TMEM229B: variants seen among roughly 807,000 people sequenced by gnomAD.
TMEM229B encodes transmembrane protein 229B, also known as chromosome 14 open reading frame 83.
Under a neutral mutation model 13.7 loss-of-function variants are expected in TMEM229B, and 6 were observed. That is an observed-to-expected ratio of 0.44 (90% CI 0.24 to 0.86). The LOEUF (loss-of-function observed/expected upper bound fraction) is 0.86, where lower values mean the gene tolerates loss of function less well. Among genes scored for constraint, TMEM229B ranks in the 40% least tolerant of loss-of-function variants. TMEM229B has a pLI of 0.23. For missense variants in TMEM229B, 170 were observed against 236.0 expected (o/e 0.72, Z 1.83); for synonymous variants, 107 against 102.1 (o/e 1.05, Z -0.29).
chr14:67,480,923 A>G (rs1158713526), intron 2 of TMEM229B, among the ~76,000 whole-genome samples: 1 of 152,164 alleles, frequency 6.6e-6, no homozygotes, highest in Non-Finnish European at 1.5e-5. Flanking sequence ...TCAGATCCCA[A>G]AACCCTTGGA....
upstream of TMEM229B, among the ~76,000 whole-genome samples, chr14:67,491,168 G>A (rs2032152936): frequency 6.6e-6 from 1 of 152,120 alleles, no homozygotes; most frequent in African/African-American, 2.4e-5. Context: ...CACAGAACCC[G>A]GGGAAACACT....
Position 67,473,560 on chromosome 14 carries a change from CG to C in TMEM229B, c.363del (p.Val122CysfsTer36). The C allele has an allele frequency of 6.2e-7, 1 of 1,613,520 alleles. No individual in the cohort carries two copies. Among genetic ancestry groups the C allele is most frequent in the Non-Finnish European group, 8.5e-7 (1 of 1,179,734 alleles). On this transcript the variant is annotated frameshift_variant, in exon 3 of 3. Transcript: ENST00000554480. LOFTEE classifies it high-confidence loss of function. This position sits in a 1 kb window ranked among gnomAD's most constrained non-coding sequence, Gnocchi z 6.5. ...DFMGLITLEY[A>X]VPWFCGALIM... ...ATGAGGGCCCCGCAGAACCAGGGCA[CG>C]GCGTACTCCAGGGTGATGAGGCCCA...
At chr14:67,513,064 A>G (rs2033079791) in intron 1 of TMEM229B, among the ~76,000 whole-genome samples, 1 of 152,216 alleles carries the variant, frequency 6.6e-6, no homozygotes, top group Non-Finnish European at 1.5e-5. Context: ...AGGGTCTTAA[A>G]TCACTTTATA....
chr14:67,478,092 C>T (rs528442785), intron 2 of TMEM229B, among the ~76,000 whole-genome samples: 22 of 152,362 alleles, frequency 1.4e-4, no homozygotes, highest in African/African-American at 5.3e-4. Context: ...AAACAACTAC[C>T]GTCTACTATT....
At chr14:67,495,255 C>T in intron 1 of TMEM229B, among the ~76,000 whole-genome samples, 1 of 152,120 alleles carries the variant, frequency 6.6e-6, no homozygotes, top group East Asian at 1.9e-4. Flanking sequence ...AACATTTCCT[C>T]TTCCAATTTG....
At position 67,470,894 on chromosome 14, in the gene TMEM229B, G is replaced by T. The variant is rs998553216; in HGVS notation, c.*2526C>A. ...AACACTCCCCACCAGCACCCTTAAT[G>T]CTTGGCAGGGCTGGGATTATTCCAA... On this transcript the variant is annotated 3_prime_UTR_variant, in exon 3 of 3. Transcript: ENST00000554480. 1.3e-5 allele frequency: 2 copies of T among 152,360 alleles called. No individual in the cohort carries two copies. The highest frequency in any genetic ancestry group is 4.8e-5 in the African/African-American group (2 of 41,436). 9.4% of individuals were successfully genotyped at this position (152,360 alleles called of 1,614,324 possible).
At chr14:67,483,311 G>A (rs544013744) in intron 2 of TMEM229B, among the ~76,000 whole-genome samples, 22 of 152,208 alleles carry the variant, frequency 1.4e-4, no homozygotes, top group Admixed American at 1.2e-3. Flanking sequence ...ACACCTGGCC[G>A]AGCCTACATT....
chr14:67,509,608 C>T (rs1885041), intron 1 of TMEM229B, among the ~76,000 whole-genome samples: 59,982 of 151,902 alleles, frequency 0.39, 13,391 homozygotes, highest in South Asian at 0.54. Flanking sequence ...CATGAGCCAC[C>T]GCACCTGGTC....
intron 1 of TMEM229B, among the ~76,000 whole-genome samples, chr14:67,511,079 G>A (rs927508430): frequency 6.6e-6 from 1 of 152,168 alleles, no homozygotes; most frequent in African/African-American, 2.4e-5. Flanking sequence ...CTCAGGGTGA[G>A]TGACCTTTCC....
At position 67,532,670 on chromosome 14, in the gene TMEM229B, T is replaced by G. The variant is rs551555957; in HGVS notation, c.-192+966A>C. 3.3e-5 allele frequency among the ~76,000 whole-genome samples: 5 copies of G among 152,252 alleles called. No homozygotes were observed. The South Asian group carries it at 1.0e-3, about 32-fold the overall frequency. On this transcript the variant is annotated intron_variant, in intron 1 of 2. Transcript: ENST00000554278. ...GAGTTCGAGTCCAGCCTGGGCAACA[T>G]AGCGAGACCAGAAAATAAGCAAGTA...
chr14:67,510,582 A>C (rs996994720), intron 1 of TMEM229B, among the ~76,000 whole-genome samples: 1 of 152,238 alleles, frequency 6.6e-6, no homozygotes, highest in African/African-American at 2.4e-5. Context: ...AAAGAAAACA[A>C]GACAAAAATC....
In TMEM229B at chr14:67,499,218, G is replaced by C. The variant is rs558779843; in HGVS notation, c.-191-12046C>G. On this transcript the variant is annotated intron_variant, in intron 1 of 2. Coordinates refer to the TMEM229B transcript ENST00000357461. The stretch of plus-strand genomic sequence containing the variant: ...GGGGTCCTGCTATGTTGCTCAGGCT[G>C]GTCTCAAACTCCTGGCCTCAAGTGA... Among the ~76,000 whole-genome samples, 7 of 151,994 alleles carry C rather than the reference G, an allele frequency of 4.6e-5. No individual in the cohort carries two copies. In the South Asian group the frequency reaches 1.4e-3, roughly 31 times the overall value.
intron 1 of TMEM229B, among the ~76,000 whole-genome samples, chr14:67,525,114 T>C (rs2033347159): frequency 6.6e-6 from 1 of 152,196 alleles, no homozygotes. Context: ...GTAAAATGCT[T>C]ACATAATATA....
chr14:67,497,070 G>C (rs943757354), intron 1 of TMEM229B, among the ~76,000 whole-genome samples: 1 of 151,754 alleles, frequency 6.6e-6, no homozygotes, highest in Non-Finnish European at 1.5e-5. Context: ...GGGATTACAG[G>C]CCTGAGCCAC....
rs1161823104 is a variant in TMEM229B at position 67,470,510 on chromosome 14, A to T, written c.*2910T>A. 1 of 152,524 alleles carries T rather than the reference A, an allele frequency of 6.6e-6. No homozygotes were observed. The highest frequency in any genetic ancestry group is 1.9e-4 in the East Asian group (1 of 5,168). 9.4% of individuals were successfully genotyped at this position (152,524 alleles called of 1,614,324 possible). On this transcript the variant is annotated 3_prime_UTR_variant, in exon 3 of 3. Coordinates refer to ENST00000554480, the MANE Select transcript of TMEM229B (RefSeq NM_001348543.2). ...GCACTCTCCCTGCCATGGCTCCCCT[A>T]AGGGCTGGGCCTCTAACCTGTCTGC...
chr14:67,494,456 C>G (rs1460760082), intron 1 of TMEM229B, among the ~76,000 whole-genome samples: 1 of 152,202 alleles, frequency 6.6e-6, no homozygotes, highest in African/African-American at 2.4e-5. Flanking sequence ...GTTCTGTGCT[C>G]TATCAGAGAA....
upstream of TMEM229B, among the ~76,000 whole-genome samples, chr14:67,517,340 C>T (rs1336727322): frequency 6.6e-6 from 1 of 152,214 alleles, no homozygotes; most frequent in Non-Finnish European, 1.5e-5. Context: ...GCTGGAAAGG[C>T]TTCGGAAGAT....
At chr14:67,474,137 A>G (rs2031006553) in intron 2 of TMEM229B, among the ~76,000 whole-genome samples, 196 bp from the exon 3 acceptor site, 1 of 152,160 alleles carries the variant, frequency 6.6e-6, no homozygotes, top group Admixed American at 6.5e-5. Context: ...CTGTAATCCC[A>G]GCTACTTGGG....
chr14:67,522,726 C>T (rs905759824), intron 1 of TMEM229B, among the ~76,000 whole-genome samples: 2 of 152,054 alleles, frequency 1.3e-5, no homozygotes, highest in Non-Finnish European at 1.5e-5. Flanking sequence ...AAAGGTTTCT[C>T]CCATAGGAGC....
Sources: gnomAD v4.1 joint callset for allele counts (sites outside exome capture counted in the v4.1 genomes callset) on GRCh38, gnomAD v4.1.1 for gene constraint, Gnocchi (gnomAD v3.1) non-coding constraint, MANE v1.5 for transcripts, NCBI Gene and HGNC (gene_info 2026-07-23, HGNC 2026-07-21) for gene names.